The following DECR1 variants were observed in gnomAD, a reference collection of about 807,000 sequenced individuals.
The protein encoded by DECR1 is 2,4-dienoyl-CoA reductase [(3E)-enoyl-CoA-producing], mitochondrial.
In DECR1, 44 loss-of-function variants were observed where a neutral mutation model predicts 38.8. The ratio of observed to expected loss-of-function variants is 1.13; its 90% CI spans 0.89 to 1.46. The LOEUF (loss-of-function observed/expected upper bound fraction) is 1.46. Among genes scored for constraint, DECR1 ranks in the 40% most tolerant of loss-of-function variants. The pLI is 0.00. For missense variants in DECR1, 428 were observed against 405.5 expected (o/e 1.06, Z -0.48); for synonymous variants, 148 against 135.2 (o/e 1.09, Z -0.66).
chr8:90,030,684 T>G (rs1291530965), intron 5 of DECR1, among the ~76,000 whole-genome samples: 4 of 152,206 alleles, frequency 2.6e-5, no homozygotes, highest in African/African-American at 9.6e-5. Context: ...AGGCTTTCCT[T>G]ATTCGTCAGT....
intron 8 of DECR1, among the ~76,000 whole-genome samples, chr8:90,048,656 A>G (rs915201213): frequency 2.6e-5 from 4 of 152,260 alleles, no homozygotes; most frequent in Non-Finnish European, 5.9e-5. Flanking sequence ...AATCAATAGA[A>G]AAAGAGGTAA....
At chr8:90,048,283 C>G (rs535982914) in intron 8 of DECR1, among the ~76,000 whole-genome samples, 38 of 151,660 alleles carry the variant, frequency 2.5e-4, no homozygotes, top group African/African-American at 8.7e-4. Flanking sequence ...ATTGATAGAC[C>G]GCTAGCAAGA....
chr8:90,020,119 G>A (rs987450116), intron 4 of DECR1, among the ~76,000 whole-genome samples: 3 of 152,168 alleles, frequency 2.0e-5, no homozygotes, highest in African/African-American at 4.8e-5. Flanking sequence ...TACATTTATC[G>A]GAGAGAAGCC....
chr8:90,048,008 C>T (rs561783882), intron 8 of DECR1, among the ~76,000 whole-genome samples: 1 of 152,246 alleles, frequency 6.6e-6, no homozygotes, highest in East Asian at 1.9e-4. Flanking sequence ...CACAACATAC[C>T]AGAATCTCTG....
rs574041982 is a variant in DECR1 at position 90,012,328 on chromosome 8, T to G, written c.70-4796T>G. ...CCACCACGCCCGGCTAATTTTTGTA[T>G]TTTTAGTAGAGATGGGGTTTCACCA... is the stretch of plus-strand genomic sequence containing the variant. On this transcript the variant is annotated intron_variant, in intron 1 of 9. Coordinates refer to ENST00000220764, the MANE Select transcript of DECR1 (RefSeq NM_001359.2). Among the ~76,000 whole-genome samples, 141 of 152,006 alleles carry G rather than the reference T, an allele frequency of 9.3e-4. 1 individual carries two copies. Among genetic ancestry groups the G allele is most frequent in the Admixed American group, 1.9e-3 (29 of 15,274 alleles).
At chr8:90,042,474 C>A in intron 6 of DECR1, 2 of 491,606 alleles carry the variant, frequency 4.1e-6, no homozygotes, top group Non-Finnish European at 7.3e-6. Context: ...TTAGGTTGTA[C>A]AGTAGAGTGA....
intron 7 of DECR1, among the ~76,000 whole-genome samples, chr8:90,043,711 G>C (rs1813820126): frequency 6.6e-6 from 1 of 152,170 alleles, no homozygotes; most frequent in African/African-American, 2.4e-5. Context: ...AAAACTTCCT[G>C]AGTGATTGAA....
At chr8:90,005,396 G>A in intron 1 of DECR1, 1 of 456,314 alleles carries the variant, frequency 2.2e-6, no homozygotes, top group Non-Finnish European at 4.4e-6. Flanking sequence ...GTTAGGTTGG[G>A]TGTTCTTGCT....
Position 90,044,888 on chromosome 8 carries a change from A to G in DECR1, c.778A>G (p.Lys260Glu). Residue 260 changes from lysine (K) to glutamate (E), a missense_variant, in exon 8 of 10, where the codon AAA (lysine) becomes GAA (glutamate). Coordinates refer to ENST00000220764, the MANE Select transcript of DECR1 (RefSeq NM_001359.2). ...TCTGGACCCAACTGGAACATTTGAG[A>G]AAGAAATGATTGGCAGAATTCCCTG... ...SRLDPTGTFEKEMIGRIPCGR... is the reference protein window; with the variant it reads ...SRLDPTGTFEEEMIGRIPCGR... 1 of 1,613,518 alleles carries G rather than the reference A, an allele frequency of 6.2e-7. No individual in the cohort carries two copies. Among genetic ancestry groups the G allele is most frequent in the Non-Finnish European group, 8.5e-7 (1 of 1,179,594 alleles).
Position 90,051,953 on chromosome 8 carries a change from A to T in DECR1, c.*56A>T. On this transcript the variant is annotated 3_prime_UTR_variant, in exon 10 of 10. Transcript: ENST00000220764. ...AAAGGGAATAGAAATGAAACAAATT[A>T]TCTCTCATCTTTTGACTATTTCAAG... 2 of 1,430,878 alleles carry T rather than the reference A, an allele frequency of 1.4e-6. No individual in the cohort carries two copies. Among genetic ancestry groups the T allele is most frequent in the East Asian group, 2.3e-5 (1 of 43,868 alleles). The allele number at this position is 1,430,878 out of a possible 1,614,324, so 88.6% of individuals were successfully genotyped here.
intron 1 of DECR1, among the ~76,000 whole-genome samples, chr8:90,015,289 CA>C (rs1355835721): frequency 6.6e-6 from 1 of 152,126 alleles, no homozygotes; most frequent in Non-Finnish European, 1.5e-5. Context: ...TTATCTTTAA[CA>C]GCTAGCTACT....
At chr8:90,010,424 G>A (rs927006782) in intron 1 of DECR1, among the ~76,000 whole-genome samples, 1 of 152,224 alleles carries the variant, frequency 6.6e-6, no homozygotes, top group Non-Finnish European at 1.5e-5. Context: ...CATACACTGT[G>A]CTGAAGTGGC....
intron 1 of DECR1, among the ~76,000 whole-genome samples, chr8:90,015,930 T>G (rs552950875): frequency 3.0e-4 from 45 of 152,354 alleles, no homozygotes; most frequent in Middle Eastern, 6.8e-3. Flanking sequence ...TTCATGTGGT[T>G]GTTTGGAAGA....
At chr8:90,010,074 T>C (rs1371581634) in intron 1 of DECR1, among the ~76,000 whole-genome samples, 1 of 152,232 alleles carries the variant, frequency 6.6e-6, no homozygotes, top group Non-Finnish European at 1.5e-5. Context: ...CAGTTTCTTT[T>C]ATATTTGTTT....
At chr8:90,021,978 A>G (rs543093244) in intron 5 of DECR1, among the ~76,000 whole-genome samples, 28 of 152,330 alleles carry the variant, frequency 1.8e-4, no homozygotes, top group Admixed American at 8.5e-4. Flanking sequence ...ACCAGCGTAC[A>G]TTTATTCACC....
chr8:90,042,973 C>T lies in DECR1; in HGVS notation c.738+173C>T, dbSNP rs75678043. 1.1e-3 allele frequency among the ~76,000 whole-genome samples: 168 copies of T among 152,128 alleles called. No homozygotes were observed. Among genetic ancestry groups the T allele is most frequent in the Non-Finnish European group, 1.9e-3 (129 of 67,970 alleles). ...TTATCGAATATAAGAAATAAGGAGG[C>T]GGGCAGGAATATAGCAGCTATGCAA... On this transcript the variant is annotated intron_variant, in intron 7 of 9. Transcript: ENST00000220764.
At position 90,001,485 on chromosome 8, in the gene DECR1, GA is replaced by G. The variant is rs748887781; in HGVS notation, c.-7del. On this transcript the variant is annotated 5_prime_UTR_variant, in exon 1 of 10. Transcript: ENST00000220764. Reference sequence around the variant, plus strand: ...GCCGCCTTCCGGCCCGAGTTCTGGAGACTCAACATGAAGCTACCGGCCAGGG... The same window carrying G: ...GCCGCCTTCCGGCCCGAGTTCTGGAGCTCAACATGAAGCTACCGGCCAGGG... The G allele has an allele frequency of 8.7e-6, 14 of 1,614,006 alleles. No individual in the cohort carries two copies. The South Asian group carries it at 1.4e-4, about 16-fold the overall frequency.
Position 90,044,831 on chromosome 8 carries a change from G to GAAA in DECR1, c.739-18_739-17insAAA. ...TTGAAAAACCCGACACAACCTAATT[G>GAAA]TTTTCTTAATTTCTAAGGGTGCCTT... is the stretch of plus-strand genomic sequence containing the variant. On this transcript the variant is annotated splice_polypyrimidine_tract_variant and intron_variant, in intron 7 of 9. Coordinates refer to ENST00000220764, the MANE Select transcript of DECR1 (RefSeq NM_001359.2). 6.3e-7 allele frequency: 1 copy of GAAA among 1,597,852 alleles called. No individual in the cohort carries two copies. Among genetic ancestry groups the GAAA allele is most frequent in the Non-Finnish European group, 8.5e-7 (1 of 1,173,438 alleles).
chr8:90,031,740 A>G (rs1204713289), intron 5 of DECR1, among the ~76,000 whole-genome samples: 2 of 152,176 alleles, frequency 1.3e-5, no homozygotes, highest in Non-Finnish European at 1.5e-5. Context: ...GCTAGCAATA[A>G]TAGTAGAAGA....
Sources: allele counts gnomAD v4.1 joint callset (sites outside exome capture counted in the v4.1 genomes callset), GRCh38; gene constraint gnomAD v4.1.1; transcripts MANE v1.5; gene names NCBI Gene and HGNC (gene_info 2026-07-23, HGNC 2026-07-21).